Variants in BCAM observed in about 807,000 individuals in gnomAD.
The protein encoded by BCAM is basal cell adhesion molecule (Lutheran blood group).
In BCAM, 61 loss-of-function variants were observed where a neutral mutation model predicts 72.4. That is an observed-to-expected ratio of 0.84 (90% confidence interval 0.69 to 1.04). The LOEUF (loss-of-function observed/expected upper bound fraction) is 1.04, where lower values mean the gene tolerates loss of function less well. Among genes scored for constraint, BCAM ranks in the 50% least tolerant of loss-of-function variants. BCAM has a pLI of 0.00. For synonymous variants in BCAM, 408 were observed against 384.2 expected (o/e 1.06, Z -0.73); for missense variants, 909 against 895.0 (o/e 1.02, Z -0.20).
chr19:44,814,305 T>C lies in BCAM; in HGVS notation c.921+17T>C. The C allele has an allele frequency of 6.3e-7, 1 of 1,583,168 alleles. No homozygotes were observed. The highest frequency in any genetic ancestry group is 8.5e-7 in the Non-Finnish European group (1 of 1,172,516). ...CGCCTTCAGGTGACCCACCCAAGGG[T>C]CCCTCTGGGATCCACCCCCCAGCCC... On this transcript the variant is annotated intron_variant, in intron 7 of 14. Transcript: ENST00000270233. The surrounding 1 kb of genome is among the most constrained non-coding windows in gnomAD (Gnocchi z 4.6).
Position 44,812,243 on chromosome 19 carries a change from C to A in BCAM, c.285C>A (p.Thr95=), listed in dbSNP as rs145500439. The part of the protein sequence containing the change: ...GSELQVTMHD[T]RGRSPPYQLD... Reference sequence around the variant, plus strand: ...AGCTCCAGGTCACAATGCACGACACCCGGGGCCGCAGTCCCCCATACCAGC... The same window carrying A: ...AGCTCCAGGTCACAATGCACGACACACGGGGCCGCAGTCCCCCATACCAGC... The change falls in exon 3 of 15, where the codon ACC becomes ACA. Residue 95 remains threonine, a synonymous_variant. Transcript: ENST00000270233. The surrounding 1 kb of genome is among the most constrained non-coding windows in gnomAD (Gnocchi z 5.3). 3 of 1,608,564 alleles carry A rather than the reference C, an allele frequency of 1.9e-6. No homozygotes were observed. Among genetic ancestry groups the A allele is most frequent in the African/African-American group, 1.3e-5 (1 of 74,682 alleles).
rs1251997837 is a variant in BCAM at position 44,812,347 on chromosome 19, G to A, written c.389G>A (p.Gly130Glu). ...ERDYVCVVRA[G>E]AAGTAEATAR... ...GACTACGTGTGCGTGGTGAGGGCAG[G>A]GGCGGCAGGCACTGCTGAGGCCACT... The change falls in exon 3 of 15, where the codon GGG becomes GAG. Residue 130 changes from glycine (G) to glutamate (E), a missense_variant. By Grantham distance (98) the Gly-to-Glu change is moderately conservative. Coordinates refer to ENST00000270233, the MANE Select transcript of BCAM (RefSeq NM_005581.5). This position sits in a 1 kb window ranked among gnomAD's most constrained non-coding sequence, Gnocchi z 5.3. 1 of 1,613,672 alleles carries A rather than the reference G, an allele frequency of 6.2e-7. No homozygotes were observed. The highest frequency in any genetic ancestry group is 8.5e-7 in the Non-Finnish European group (1 of 1,179,736).
In BCAM at chr19:44,814,109, C is replaced by T. The variant is rs905500087; in HGVS notation, c.785-43C>T. 4.5e-6 allele frequency: 7 copies of T among 1,547,646 alleles called. No homozygotes were observed. The highest frequency in any genetic ancestry group is 4.6e-5 in the East Asian group (2 of 43,274). On this transcript the variant is annotated intron_variant, in intron 6 of 14. Coordinates refer to ENST00000270233, the MANE Select transcript of BCAM (RefSeq NM_005581.5). This position sits in a 1 kb window ranked among gnomAD's most constrained non-coding sequence, Gnocchi z 4.6. ...CTCTCGCCTGTCCTCTAGCCTTGAC[C>T]CTTCCCCTGATCACAATTCCCATCT...
intron 8 of BCAM, among the ~76,000 whole-genome samples, chr19:44,817,244 T>A (rs989397381): frequency 5.3e-5 from 8 of 151,640 alleles, no homozygotes; most frequent in South Asian, 2.1e-4. Context: ...CAAAAAAAAA[T>A]AATAAGAAGA....
chr19:44,812,971 A>G lies in BCAM; in HGVS notation c.505-279A>G. The G allele has an allele frequency of 2.2e-6, 1 of 453,550 alleles. No homozygotes were observed. The highest frequency in any genetic ancestry group is 3.9e-6 in the Non-Finnish European group (1 of 258,082). The allele number at this position is 453,550 out of a possible 1,614,324, so 28.1% of individuals were successfully genotyped here. ...TCTCAAAAAAAAAAAAAAAAAGAAG[A>G]AGAAAAGAAAAAAGAAAGGAAGGGC... On this transcript the variant is annotated intron_variant, in intron 4 of 14. Coordinates refer to ENST00000270233, the MANE Select transcript of BCAM (RefSeq NM_005581.5). This position sits in a 1 kb window ranked among gnomAD's most constrained non-coding sequence, Gnocchi z 5.3.
At chr19:44,816,087 G>A (rs968055493) in intron 8 of BCAM, among the ~76,000 whole-genome samples, 2 of 152,138 alleles carry the variant, frequency 1.3e-5, no homozygotes, top group African/African-American at 4.8e-5. Flanking sequence ...GGAGGCCGAG[G>A]TGGGTGGATC....
rs1263312739 is a variant in BCAM, at chr19:44,812,778, C to T, written c.504+230C>T. Reference sequence around the variant, plus strand: ...CAGCCTGGCCAACATAATGAAACCCCGTCTCTACTAAAGATACAAAAATTA... The same window carrying T: ...CAGCCTGGCCAACATAATGAAACCCTGTCTCTACTAAAGATACAAAAATTA... On this transcript the variant is annotated intron_variant, in intron 4 of 14. Coordinates refer to ENST00000270233, the MANE Select transcript of BCAM (RefSeq NM_005581.5). This position sits in a 1 kb window ranked among gnomAD's most constrained non-coding sequence, Gnocchi z 5.3. 7.4e-6 allele frequency: 4 copies of T among 542,484 alleles called. No homozygotes were observed. Among genetic ancestry groups the T allele is most frequent in the Non-Finnish European group, 9.9e-6 (3 of 304,102 alleles). 33.6% of individuals were successfully genotyped at this position (542,484 alleles called of 1,614,324 possible).
At position 44,818,495 on chromosome 19, in the gene BCAM, C is replaced by T. The variant is rs763023271; in HGVS notation, c.1079-27C>T. The T allele has an allele frequency of 2.1e-5, 34 of 1,600,068 alleles. No homozygotes were observed. The African/African-American group carries it at 2.9e-4, about 14-fold the overall frequency. ...TAATTGAGTGGGTGGCGGTCTGGGA[C>T]GAGTGACAGACTGTCCCCCACTGCA... On this transcript the variant is annotated intron_variant, in intron 8 of 14. Transcript: ENST00000270233. This position sits in a 1 kb window ranked among gnomAD's most constrained non-coding sequence, Gnocchi z 4.6.
At position 44,820,810 on chromosome 19, in the gene BCAM, C is replaced by T. The variant is rs932755310; in HGVS notation, c.1869C>T (p.Gly623=). ...ASGGARGGSG[G]FGDEC is the part of the protein sequence containing the mutation. ...GAGGAGCCAGGGGTGGCAGCGGGGG[C>T]TTCGGAGACGAGGTGGGTGAGGGCC... Residue 623 remains glycine, a synonymous_variant, in exon 14 of 15, where the codon GGC becomes GGT. Coordinates refer to ENST00000270233, the MANE Select transcript of BCAM (RefSeq NM_005581.5). 2.5e-5 allele frequency: 38 copies of T among 1,512,522 alleles called. No individual in the cohort carries two copies. Among genetic ancestry groups the T allele is most frequent in the Non-Finnish European group, 3.4e-5 (38 of 1,127,922 alleles). The allele number at this position is 1,512,522 out of a possible 1,614,324, so 93.7% of individuals were successfully genotyped here. A position where few individuals can be genotyped will look rare whatever the true frequency, so the allele number is the denominator to read the frequency against.
Position 44,812,258 on chromosome 19 carries a change from C to G in BCAM, c.300C>G (p.Pro100=). The G allele has an allele frequency of 6.2e-7, 1 of 1,610,296 alleles. No homozygotes were observed. Among genetic ancestry groups the G allele is most frequent in the African/African-American group, 1.3e-5 (1 of 74,848 alleles). The change falls in exon 3 of 15, where the codon CCC becomes CCG. Residue 100 remains proline, a synonymous_variant. Transcript: ENST00000270233. This position sits in a 1 kb window ranked among gnomAD's most constrained non-coding sequence, Gnocchi z 5.3. Reference sequence around the variant, plus strand: ...TGCACGACACCCGGGGCCGCAGTCCCCCATACCAGCTGGACTCCCAGGGGC... The same window carrying G: ...TGCACGACACCCGGGGCCGCAGTCCGCCATACCAGCTGGACTCCCAGGGGC... ...VTMHDTRGRS[P]PYQLDSQGRL...
At chr19:44,816,193 C>T (rs1227907310) in intron 8 of BCAM, among the ~76,000 whole-genome samples, 2 of 152,002 alleles carry the variant, frequency 1.3e-5, no homozygotes, top group East Asian at 1.9e-4. Flanking sequence ...ACCTGTAATC[C>T]CAGCCACTCA....
rs1276347657 is a variant in BCAM, at chr19:44,814,803, A to G, written c.1078+43A>G. On this transcript the variant is annotated intron_variant, in intron 8 of 14. Transcript: ENST00000270233. The surrounding 1 kb of genome is among the most constrained non-coding windows in gnomAD (Gnocchi z 4.6). The stretch of plus-strand genomic sequence containing the variant: ...ACGGGCGGGCAGGAGGGGCCCTGGC[A>G]TCAGTGCCTCTGCGCCCTCCTCCCT... 5.1e-6 allele frequency: 8 copies of G among 1,575,080 alleles called. No individual in the cohort carries two copies. In the South Asian group the frequency reaches 5.8e-5, roughly 11 times the overall value.
intron 8 of BCAM, among the ~76,000 whole-genome samples, chr19:44,815,840 A>G (rs914403977): frequency 4.0e-5 from 6 of 150,080 alleles, no homozygotes; most frequent in Non-Finnish European, 7.4e-5. Context: ...CCCCATTTGC[A>G]CACACACACA....
chr19:44,819,824 C>T, intron 13 of BCAM, 98 bp downstream of exon 13: 3 of 1,438,950 alleles, frequency 2.1e-6, no homozygotes, highest in Non-Finnish European at 2.7e-6. Flanking sequence ...TCTTATCCTC[C>T]ACCCCACATC....
At position 44,811,768 on chromosome 19, in the gene BCAM, C is replaced by T. The variant is rs1968423458; in HGVS notation, c.205-395C>T. 2.2e-5 allele frequency: 7 copies of T among 320,336 alleles called. 1 individual carries two copies. In the South Asian group the frequency reaches 2.5e-4, roughly 11 times the overall value. The allele number at this position is 320,336 out of a possible 1,614,324, so 19.8% of individuals were successfully genotyped here. On this transcript the variant is annotated intron_variant, in intron 2 of 14. Coordinates refer to ENST00000270233, the MANE Select transcript of BCAM (RefSeq NM_005581.5). Reference sequence around the variant, plus strand: ...GGCGTGATGGCATGTGCCTGTAATCCCAGCTACTCAGGAGGCTGAGGCAGG... The same window carrying T: ...GGCGTGATGGCATGTGCCTGTAATCTCAGCTACTCAGGAGGCTGAGGCAGG...
chr19:44,810,105 T>C (rs1968397560), intron 1 of BCAM, among the ~76,000 whole-genome samples: 1 of 151,966 alleles, frequency 6.6e-6, no homozygotes, highest in Admixed American at 6.5e-5. Flanking sequence ...CTGGGCCAGA[T>C]TGAGCAGAGA....
At position 44,820,703 on chromosome 19, in the gene BCAM, A is replaced by G. The variant is rs1164120332; in HGVS notation, c.1764-2A>G. The G allele has an allele frequency of 3.7e-6, 5 of 1,348,742 alleles. No homozygotes were observed. Among genetic ancestry groups the G allele is most frequent in the Non-Finnish European group, 3.8e-6 (4 of 1,043,050 alleles). The allele number at this position is 1,348,742 out of a possible 1,614,324, so 83.5% of individuals were successfully genotyped here. A position where few individuals can be genotyped will look rare whatever the true frequency, so the allele number is the denominator to read the frequency against. ...CCTCCGCCCGCTGCCTCCTCCCCCC[A>G]GGCCGCCAGGGGAGCCAGGGCTGAG... On this transcript the variant is annotated splice_acceptor_variant, in intron 13 of 14. Transcript: ENST00000270233. LOFTEE classifies it high-confidence loss of function.
intron 1 of BCAM, among the ~76,000 whole-genome samples, chr19:44,810,440 C>G (rs1175690650): frequency 6.6e-6 from 1 of 152,160 alleles, no homozygotes; most frequent in African/African-American, 2.4e-5. Flanking sequence ...CCCTGTCCCC[C>G]CTCACCGCCC....
At position 44,813,345 on chromosome 19, in the gene BCAM, A is replaced by C. The variant is rs1968453839; in HGVS notation, c.600A>C (p.Pro200=). Residue 200 remains proline, a splice_region_variant and synonymous_variant, in exon 5 of 15, where the codon CCA becomes CCC. Transcript: ENST00000270233. This position sits in a 1 kb window ranked among gnomAD's most constrained non-coding sequence, Gnocchi z 4.2. ...QRLEVPVEMN[P]EGYMTSRTVR... Reference sequence around the variant, plus strand: ...TGGAGGTGCCCGTAGAGATGAACCCAGGTGAGCAGCGCAGGAGCGCGGCGG... The same window carrying C: ...TGGAGGTGCCCGTAGAGATGAACCCCGGTGAGCAGCGCAGGAGCGCGGCGG... 6.2e-7 allele frequency: 1 copy of C among 1,613,792 alleles called. No individual in the cohort carries two copies. The highest frequency in any genetic ancestry group is 2.2e-5 in the East Asian group (1 of 44,882).
Sources: allele counts gnomAD v4.1 joint callset (sites outside exome capture counted in the v4.1 genomes callset), GRCh38; gene constraint gnomAD v4.1.1; non-coding constraint Gnocchi (gnomAD v3.1); transcripts MANE v1.5; gene names NCBI Gene and HGNC (gene_info 2026-07-23, HGNC 2026-07-21).